LEF1: variants seen among roughly 807,000 people sequenced by gnomAD.
The protein encoded by LEF1 is lymphoid enhancer-binding factor 1.
Under a neutral mutation model 51.2 loss-of-function variants are expected in LEF1, and 14 were observed. The ratio of observed to expected loss-of-function variants is 0.27; its 90% CI spans 0.18 to 0.43. The LOEUF (loss-of-function observed/expected upper bound fraction) is 0.43, where lower values mean the gene tolerates loss of function less well. Ranked by LOEUF, LEF1 falls within the 20% of genes least tolerant of loss-of-function variation. The pLI is 1.00. For synonymous variants in LEF1, 185 were observed against 183.2 expected (o/e 1.01, Z -0.08); for missense variants, 386 against 512.0 (o/e 0.75, Z 2.37).
At chr4:108,083,250 T>C in intron 5 of LEF1, 106 bp downstream of exon 5, 3 of 802,458 alleles carry the variant, frequency 3.7e-6, no homozygotes, top group Non-Finnish European at 4.4e-6. Flanking sequence ...ATGTGAAATT[T>C]CTTCAACTCC....
chr4:108,131,802 G>A (rs1742915667), intron 3 of LEF1, among the ~76,000 whole-genome samples: 1 of 152,102 alleles, frequency 6.6e-6, no homozygotes, highest in Admixed American at 6.5e-5. Flanking sequence ...AGCTTAAAAT[G>A]TAAAAACTCC....
intron 3 of LEF1, among the ~76,000 whole-genome samples, chr4:108,095,347 T>C (rs1032295337): frequency 3.3e-5 from 5 of 152,242 alleles, no homozygotes; most frequent in Non-Finnish European, 7.3e-5. Flanking sequence ...TCCATGTAAG[T>C]GGGTATTATT....
At chr4:108,083,048 C>T (rs1739415533) in intron 5 of LEF1, among the ~76,000 whole-genome samples, 1 of 152,178 alleles carries the variant, frequency 6.6e-6, no homozygotes, top group Non-Finnish European at 1.5e-5. Flanking sequence ...AGAAGAACCA[C>T]ACTGAGCACT....
intron 3 of LEF1, among the ~76,000 whole-genome samples, chr4:108,124,054 G>A (rs931269465): frequency 2.0e-5 from 3 of 152,074 alleles, no homozygotes; most frequent in Non-Finnish European, 4.4e-5. Flanking sequence ...AGGCTGATGT[G>A]GGAGGATAGC....
intron 3 of LEF1, among the ~76,000 whole-genome samples, chr4:108,090,881 G>A (rs565183595): frequency 6.6e-6 from 1 of 152,192 alleles, no homozygotes; most frequent in East Asian, 1.9e-4. Context: ...CAAAGAAAAA[G>A]GGACTCAACA....
Position 108,083,426 on chromosome 4 carries a change from C to T in LEF1, c.568G>A (p.Ala190Thr). 6.2e-7 allele frequency: 1 copy of T among 1,613,042 alleles called. No homozygotes were observed. Among genetic ancestry groups the T allele is most frequent in the Non-Finnish European group, 8.5e-7 (1 of 1,179,200 alleles). ...GGATAAAAAGTAGGGATATCAGGAG[C>T]TGGAGGATGTCTGGACATGCCTGTT... is the stretch of plus-strand genomic sequence containing the variant. ...SKQGMSRHPP[A>T]PDIPTFYPLS... The change falls in exon 5 of 12, where the codon GCT (alanine) becomes ACT (threonine). Residue 190 changes from alanine (A) to threonine (T), a missense_variant. Ala to Thr is a moderately conservative substitution (Grantham distance 58). Coordinates refer to ENST00000265165, the MANE Select transcript of LEF1 (RefSeq NM_016269.5).
At chr4:108,128,329 A>G (rs1438843262) in intron 3 of LEF1, among the ~76,000 whole-genome samples, 5 of 152,154 alleles carry the variant, frequency 3.3e-5, no homozygotes, top group Non-Finnish European at 5.9e-5. Flanking sequence ...TTTAAGAAAA[A>G]CAACAAAAAG....
intron 3 of LEF1, among the ~76,000 whole-genome samples, chr4:108,112,017 C>A (rs1741563603): frequency 6.6e-6 from 1 of 152,134 alleles, no homozygotes; most frequent in Non-Finnish European, 1.5e-5. Context: ...ATCGACCCTG[C>A]CCTAATTCCC....
At chr4:108,091,027 T>C (rs7673917) in intron 3 of LEF1, among the ~76,000 whole-genome samples, 8,367 of 152,180 alleles carry the variant, frequency 0.055, 573 homozygotes, top group African/African-American at 0.17. Context: ...GAGCATATCA[T>C]TATGCTCAAT....
At position 108,064,356 on chromosome 4, in the gene LEF1, TTCTC is replaced by T; in HGVS notation, c.1141_1144del (p.Glu381AsnfsTer13). On this transcript the variant is annotated frameshift_variant, in exon 10 of 12. Coordinates refer to ENST00000265165, the MANE Select transcript of LEF1 (RefSeq NM_016269.5). LOFTEE classifies it high-confidence loss of function. ...CCTACCTGATGCAGATTCCTGTAGTTTCTCTCTCTTCCTCTTCTTTTTCTTACCC... is the reference window on the plus strand; with the variant it reads ...CCTACCTGATGCAGATTCCTGTAGTTTCTCTTCCTCTTCTTTTTCTTACCC... The T allele has an allele frequency of 6.2e-7, 1 of 1,612,150 alleles. No individual in the cohort carries two copies. Among genetic ancestry groups the T allele is most frequent in the Non-Finnish European group, 8.5e-7 (1 of 1,178,260 alleles).
chr4:108,097,161 A>C (rs1482728015), intron 3 of LEF1, among the ~76,000 whole-genome samples: 1 of 152,240 alleles, frequency 6.6e-6, no homozygotes, highest in Non-Finnish European at 1.5e-5. Context: ...AGCACTATTC[A>C]CAATAGCTAA....
At chr4:108,096,344 G>A (rs980003936) in intron 3 of LEF1, among the ~76,000 whole-genome samples, 2 of 152,126 alleles carry the variant, frequency 1.3e-5, no homozygotes, top group Non-Finnish European at 2.9e-5. Flanking sequence ...GATTCTATGG[G>A]GTATGGAAAA....
chr4:108,126,664 C>A (rs995933980), intron 3 of LEF1, among the ~76,000 whole-genome samples: 4 of 151,736 alleles, frequency 2.6e-5, no homozygotes, highest in Middle Eastern at 6.8e-3. Context: ...ATTAGCCGGG[C>A]ATGATGGTGC....
At chr4:108,097,190 G>A (rs1366888529) in intron 3 of LEF1, among the ~76,000 whole-genome samples, 1 of 152,190 alleles carries the variant, frequency 6.6e-6, no homozygotes, top group Admixed American at 6.5e-5. Flanking sequence ...ATCAACCTCA[G>A]TGTCCATTAA....
intron 3 of LEF1, among the ~76,000 whole-genome samples, chr4:108,094,548 G>T (rs897598313): frequency 6.6e-6 from 1 of 152,212 alleles, no homozygotes; most frequent in African/African-American, 2.4e-5. Flanking sequence ...GAACTAAAAA[G>T]GTGGTTCAAC....
At position 108,078,226 on chromosome 4, in the gene LEF1, G is replaced by C. The variant is rs778385396; in HGVS notation, c.1002C>G (p.Gly334=). 5 of 1,613,924 alleles carry C rather than the reference G, an allele frequency of 3.1e-6. No homozygotes were observed. The East Asian group carries it at 1.1e-4, about 36-fold the overall frequency. Residue 334 remains glycine (G), a synonymous_variant, in exon 8 of 12, where the codon GGC becomes GGG. Transcript: ENST00000265165. ...KESAAINQIL[G]RRWHALSREE... ...ACATGACTCGGCTACTTACCCTTCT[G>C]CCAAGAATCTGGTTGATAGCTGCAC...
chr4:108,061,770 G>A (rs1350243989), intron 11 of LEF1, among the ~76,000 whole-genome samples: 1 of 152,212 alleles, frequency 6.6e-6, no homozygotes, highest in Non-Finnish European at 1.5e-5. Flanking sequence ...ATGGAGCCAG[G>A]TGGCTGGCTC....
chr4:108,149,633 A>G (rs1460127169), intron 3 of LEF1, among the ~76,000 whole-genome samples: 2 of 149,742 alleles, frequency 1.3e-5, no homozygotes, highest in African/African-American at 2.4e-5. Flanking sequence ...GTGTATATAT[A>G]TGTACATATA....
intron 4 of LEF1, among the ~76,000 whole-genome samples, 167 bp from the exon 5 acceptor site, chr4:108,083,613 A>G (rs1739456907): frequency 6.6e-6 from 1 of 152,246 alleles, no homozygotes; most frequent in Non-Finnish European, 1.5e-5. Context: ...CAAGATTTCA[A>G]CATCTGGGAA....
Sources: gnomAD v4.1 joint callset for allele counts (sites outside exome capture counted in the v4.1 genomes callset) on GRCh38, gnomAD v4.1.1 for gene constraint, MANE v1.5 for transcripts, NCBI Gene and HGNC (gene_info 2026-07-23, HGNC 2026-07-21) for gene names.